RARB: variants seen among roughly 807,000 people sequenced by gnomAD.
The protein encoded by RARB is retinoic acid receptor beta.
RARB carries 17 observed loss-of-function variants against 51.9 expected under a neutral mutation model. That is an observed-to-expected ratio of 0.33 (90% CI 0.22 to 0.49). RARB has a LOEUF of 0.49. Ranked by LOEUF, RARB falls within the 20% of genes least tolerant of loss-of-function variation. The pLI is 0.99. For synonymous variants in RARB, 215 were observed against 195.4 expected (o/e 1.10, Z -0.84); for missense variants, 369 against 550.8 (o/e 0.67, Z 3.30).
At chr3:25,124,476 G>T (rs1236932366) in intron 3 of RARB, among the ~76,000 whole-genome samples, 1 of 152,146 alleles carries the variant, frequency 6.6e-6, no homozygotes, top group African/African-American at 2.4e-5. Context: ...ATGTTAATAG[G>T]TATTTGATCC....
In RARB at chr3:24,837,635, T is replaced by G. The variant is rs142281013; in HGVS notation, c.-459+8232T>G. Among the ~76,000 whole-genome samples the G allele has an allele frequency of 8.0e-3, 1,222 of 152,364 alleles. 7 individuals carry two copies. Among genetic ancestry groups the G allele is most frequent in the Non-Finnish European group, 0.014 (931 of 68,030 alleles). ...TGTGATTTTCACAGTACTCAGTTTA[T>G]TTTCTCAGTACTGATTTTGGCCCTT... is the stretch of plus-strand genomic sequence containing the variant. On this transcript the variant is annotated intron_variant, in intron 1 of 11. Transcript: ENST00000383772.
intron 2 of RARB, among the ~76,000 whole-genome samples, chr3:24,916,176 T>A (rs917645301): frequency 1.3e-5 from 2 of 152,112 alleles, no homozygotes; most frequent in African/African-American, 4.8e-5. Flanking sequence ...CAGAAAGCAG[T>A]AGGACACAGT....
At chr3:25,136,894 G>A (rs1285376820) in intron 4 of RARB, among the ~76,000 whole-genome samples, 1 of 151,990 alleles carries the variant, frequency 6.6e-6, no homozygotes, top group East Asian at 1.9e-4. Flanking sequence ...TACATATTTG[G>A]CAAGTTGGGC....
chr3:25,520,950 A>G (rs1698375605), intron 3 of RARB, among the ~76,000 whole-genome samples: 2 of 152,210 alleles, frequency 1.3e-5, no homozygotes, highest in African/African-American at 2.4e-5. Flanking sequence ...CTGTAGCACA[A>G]AAGTCCTCAT....
At chr3:25,555,816 C>T (rs916406630) in intron 3 of RARB, among the ~76,000 whole-genome samples, 5 of 152,178 alleles carry the variant, frequency 3.3e-5, no homozygotes, top group African/African-American at 1.2e-4. Flanking sequence ...TGCCTTTCCT[C>T]TCTCCACCAA....
chr3:24,997,128 C>G (rs997121938), intron 2 of RARB, among the ~76,000 whole-genome samples: 40 of 140,630 alleles, frequency 2.8e-4, no homozygotes, highest in African/African-American at 9.7e-4. Context: ...CTTTATATAT[C>G]TGAGGGCTCC....
At chr3:24,919,347 C>G (rs1364929471) in intron 2 of RARB, among the ~76,000 whole-genome samples, 1 of 152,076 alleles carries the variant, frequency 6.6e-6, no homozygotes, top group Non-Finnish European at 1.5e-5. Context: ...CTAAAAGTTT[C>G]TCCATACAAA....
chr3:25,097,209 T>A (rs1393314974), intron 3 of RARB, among the ~76,000 whole-genome samples: 1 of 152,138 alleles, frequency 6.6e-6, no homozygotes, highest in Non-Finnish European at 1.5e-5. Flanking sequence ...ACGCATGACT[T>A]GATTTGCGGT....
chr3:25,210,529 CTTTTT>C lies in RARB; in HGVS notation c.178+35974_178+35978del, dbSNP rs773846113. On this transcript the variant is annotated intron_variant, in intron 5 of 11. Transcript: ENST00000383772. The stretch of plus-strand genomic sequence containing the variant: ...GAAAGCCTGAAATCTTTATCTGATT[CTTTTT>C]TTTTTTTTTTTTTTTTTTTGAGATT... Among the ~76,000 whole-genome samples the C allele has an allele frequency of 2.0e-3, 55 of 27,634 alleles. 3 individuals are homozygous for C. The highest frequency in any genetic ancestry group is 0.013 in the South Asian group (8 of 608). The allele number at this position is 27,634 out of a possible 152,430, so 18.1% of individuals were successfully genotyped here.
chr3:25,339,690 C>G (rs1471237698), intron 5 of RARB, among the ~76,000 whole-genome samples: 2 of 151,702 alleles, frequency 1.3e-5, no homozygotes, highest in Non-Finnish European at 2.9e-5. Context: ...GGATCTTGCT[C>G]TCTTGGATCC....
chr3:25,550,928 T>C (rs979477411), intron 3 of RARB, among the ~76,000 whole-genome samples: 10 of 152,196 alleles, frequency 6.6e-5, no homozygotes, highest in African/African-American at 2.4e-4. Flanking sequence ...CTCGTTCCTT[T>C]TTACGACTGC....
intron 5 of RARB, among the ~76,000 whole-genome samples, chr3:25,328,377 G>A (rs1704786819): frequency 6.6e-6 from 1 of 152,192 alleles, no homozygotes; most frequent in African/African-American, 2.4e-5. Flanking sequence ...AAAATTAGCT[G>A]AGCATGGTGG....
chr3:24,934,750 C>T (rs1487958732), intron 2 of RARB, among the ~76,000 whole-genome samples: 2 of 151,942 alleles, frequency 1.3e-5, no homozygotes, highest in Non-Finnish European at 2.9e-5. Context: ...GACCAAATGC[C>T]ATTTTATTTC....
intron 5 of RARB, among the ~76,000 whole-genome samples, chr3:25,253,254 T>C (rs1702774740): frequency 6.6e-6 from 1 of 152,164 alleles, no homozygotes; most frequent in Admixed American, 6.5e-5. Flanking sequence ...CTATTCTCTA[T>C]CAAAACCTGA....
At chr3:25,253,139 C>G (rs1211335057) in intron 5 of RARB, among the ~76,000 whole-genome samples, 1 of 152,136 alleles carries the variant, frequency 6.6e-6, no homozygotes, top group African/African-American at 2.4e-5. Flanking sequence ...GCTTTCTAGT[C>G]CTGTCAACTA....
chr3:25,270,611 G>A (rs1703235375), intron 5 of RARB, among the ~76,000 whole-genome samples: 1 of 152,126 alleles, frequency 6.6e-6, no homozygotes, highest in Non-Finnish European at 1.5e-5. Flanking sequence ...AACTTAATGG[G>A]GAGAGAATAA....
At chr3:25,116,082 A>C (rs958203277) in intron 3 of RARB, among the ~76,000 whole-genome samples, 6 of 152,162 alleles carry the variant, frequency 3.9e-5, no homozygotes, top group Admixed American at 1.3e-4. Flanking sequence ...TCATTGACTA[A>C]ACTTCTGCTC....
intron 2 of RARB, among the ~76,000 whole-genome samples, chr3:25,018,861 C>T (rs960986674): frequency 2.0e-5 from 3 of 152,078 alleles, no homozygotes; most frequent in South Asian, 2.1e-4. Flanking sequence ...AAGAAACTTT[C>T]GTAAGCACCG....
chr3:24,992,931 T>A (rs1280012993), intron 2 of RARB, among the ~76,000 whole-genome samples: 1 of 152,256 alleles, frequency 6.6e-6, no homozygotes, highest in African/African-American at 2.4e-5. Context: ...TTCTACTTTT[T>A]AAATTATTCT....
Sources: allele counts gnomAD v4.1 joint callset (sites outside exome capture counted in the v4.1 genomes callset), GRCh38; gene constraint gnomAD v4.1.1; transcripts MANE v1.5; gene names NCBI Gene and HGNC (gene_info 2026-07-23, HGNC 2026-07-21).